Variants in PARP15 observed in about 807,000 individuals in gnomAD.
PARP15 encodes the protein poly(ADP-ribose) polymerase family member 15, also known as protein mono-ADP-ribosyltransferase PARP15.
In PARP15, 50 loss-of-function variants were observed where a neutral mutation model predicts 62.1. That is an observed-to-expected ratio of 0.81 (90% CI 0.64 to 1.02). PARP15 has a LOEUF of 1.02. PARP15 is among the 50% of genes least tolerant of loss of function. The pLI is 0.00. For missense variants in PARP15, 820 were observed against 826.5 expected, an observed-to-expected ratio of 0.99 and a Z score of 0.10; for synonymous variants, 309 against 293.1, an observed-to-expected ratio of 1.05 and a Z score of -0.55.
intron 5 of PARP15, 135 bp downstream of exon 5, chr3:122,615,992 A>C (rs1935939961): frequency 1.2e-6 from 1 of 820,814 alleles, no homozygotes; most frequent in Admixed American, 2.8e-5. Flanking sequence ...GTGTTAGAGC[A>C]TGTCCCATTG....
intron 1 of PARP15, among the ~76,000 whole-genome samples, chr3:122,597,589 T>TAAGA (rs1488798697): frequency 6.6e-6 from 1 of 152,082 alleles, no homozygotes; most frequent in Non-Finnish European, 1.5e-5. Flanking sequence ...CAATACATCC[T>TAAGA]AAGAAATATA....
intron 1 of PARP15, among the ~76,000 whole-genome samples, chr3:122,581,996 A>T (rs1193275708): frequency 6.6e-6 from 1 of 152,220 alleles, no homozygotes; most frequent in Non-Finnish European, 1.5e-5. Context: ...AAAGTGACTT[A>T]AAAAATTAGA....
chr3:122,593,461 G>T (rs1028156525), intron 1 of PARP15, among the ~76,000 whole-genome samples: 2 of 151,968 alleles, frequency 1.3e-5, no homozygotes, highest in East Asian at 1.9e-4. Flanking sequence ...TTTTAAATAC[G>T]TTTTTATCTA....
At chr3:122,581,259 AT>A (rs1709313298) in intron 1 of PARP15, among the ~76,000 whole-genome samples, 1 of 152,134 alleles carries the variant, frequency 6.6e-6, no homozygotes. Context: ...TGGTAATCCT[AT>A]TTTTAATTTT....
intron 3 of PARP15, among the ~76,000 whole-genome samples, chr3:122,612,111 A>G (rs960578725): frequency 1.3e-5 from 2 of 151,316 alleles, no homozygotes; most frequent in Non-Finnish European, 2.9e-5. Context: ...GCTGGAGTGC[A>G]GTGGCGCGAT....
chr3:122,588,434 C>A (rs1933622006), intron 1 of PARP15, among the ~76,000 whole-genome samples: 1 of 151,070 alleles, frequency 6.6e-6, no homozygotes, highest in African/African-American at 2.4e-5. Context: ...CCATAAAATT[C>A]ACTCTTTAAA....
chr3:122,617,933 T>C (rs956506267), intron 6 of PARP15, among the ~76,000 whole-genome samples: 4 of 152,216 alleles, frequency 2.6e-5, no homozygotes, highest in Non-Finnish European at 5.9e-5. Context: ...GGTTTTGCCA[T>C]GTTGGCCAAG....
intron 1 of PARP15, among the ~76,000 whole-genome samples, chr3:122,596,941 G>C (rs546704770): frequency 6.6e-6 from 1 of 152,300 alleles, no homozygotes. Context: ...AAGTTGAGAG[G>C]CTATCTACAA....
At chr3:122,594,592 G>T (rs1405317199) in intron 1 of PARP15, 12 of 964,520 alleles carry the variant, frequency 1.2e-5, no homozygotes, top group Non-Finnish European at 1.5e-5. Flanking sequence ...GGTAGGGGAG[G>T]TTGAAATTGA....
rs1272546650 is a variant in PARP15, at chr3:122,638,905, G to A, written c.*2805G>A. On this transcript the variant is annotated 3_prime_UTR_variant, in exon 12 of 12. Coordinates refer to ENST00000464300, the MANE Select transcript of PARP15 (RefSeq NM_001113523.3). ...ATAATTTTAATGGCAGAGATATTCT[G>A]CTTTATATCTTTCCCTATTTTATGT... is the stretch of plus-strand genomic sequence containing the variant. The A allele has an allele frequency of 6.6e-6, 1 of 151,826 alleles. No homozygotes were observed. Among genetic ancestry groups the A allele is most frequent in the Non-Finnish European group, 1.5e-5 (1 of 67,944 alleles). 9.4% of individuals were successfully genotyped at this position (151,826 alleles called of 1,614,324 possible). A position where few individuals can be genotyped will look rare whatever the true frequency, so the allele number is the denominator to read the frequency against.
At chr3:122,594,671 A>C in intron 1 of PARP15, 2 of 922,280 alleles carry the variant, frequency 2.2e-6, no homozygotes, top group Non-Finnish European at 2.6e-6. Context: ...CCTCTAAATC[A>C]AATTACTTTT....
intron 11 of PARP15, 79 bp downstream of exon 11, chr3:122,635,273 C>A: frequency 2.3e-6 from 3 of 1,310,268 alleles, no homozygotes; most frequent in Non-Finnish European, 1.1e-6. Context: ...CAGTGTGGAA[C>A]CATGGTGGGC....
intron 1 of PARP15, among the ~76,000 whole-genome samples, chr3:122,592,281 C>T (rs12636921): frequency 0.69 from 104,492 of 152,070 alleles, 38,700 homozygotes; most frequent in East Asian, 0.9. Flanking sequence ...GAGATCATGT[C>T]CTTTGCAGGG....
intron 1 of PARP15, chr3:122,594,723 C>A: frequency 1.0e-6 from 1 of 962,508 alleles, no homozygotes; most frequent in Non-Finnish European, 1.2e-6. Context: ...ATTACAATAC[C>A]AATAAGTTGA....
intron 1 of PARP15, among the ~76,000 whole-genome samples, chr3:122,595,534 T>C (rs184021607): frequency 3.9e-5 from 6 of 152,320 alleles, no homozygotes; most frequent in African/African-American, 9.6e-5. Flanking sequence ...GGTTTTGTCC[T>C]ACCTCAGTGG....
At position 122,617,077 on chromosome 3, in the gene PARP15, A is replaced by T; in HGVS notation, c.913A>T (p.Thr305Ser). The T allele has an allele frequency of 6.2e-7, 1 of 1,614,092 alleles. No homozygotes were observed. ...ATATGAAATGAAAATCGGTGCAATT[A>T]CTTTTCAGGTTGCTACTGGAGATAT... ...TAYEMKIGAI[T>S]FQVATGDIAT... Residue 305 changes from threonine (T) to serine (S), a missense_variant, in exon 6 of 12, where the codon ACT becomes TCT. This residue lies in a region of PARP15 where 731 missense variants were observed against 727.7 expected (regional missense o/e 1.00). Transcript: ENST00000464300.
intron 7 of PARP15, among the ~76,000 whole-genome samples, chr3:122,620,366 G>C (rs913650074): frequency 2.6e-5 from 4 of 152,170 alleles, no homozygotes; most frequent in African/African-American, 9.7e-5. Context: ...CTTTGAGTGG[G>C]GAACCTAAGG....
chr3:122,579,999 G>GTATATATATATATGTATA (rs2080766802), intron 1 of PARP15, among the ~76,000 whole-genome samples: 3 of 64,460 alleles, frequency 4.7e-5, no homozygotes, highest in Admixed American at 1.9e-4. Context: ...GCAACTATAT[G>GTATATATATATATGTATA]TATATATATA....
At chr3:122,600,491 G>A (rs1022467364) in intron 1 of PARP15, among the ~76,000 whole-genome samples, 3 of 152,082 alleles carry the variant, frequency 2.0e-5, no homozygotes, top group African/African-American at 7.2e-5. Context: ...CTCTTCAAAT[G>A]TCTAAAGACA....
Sources: gnomAD v4.1 joint callset for allele counts (sites outside exome capture counted in the v4.1 genomes callset) on GRCh38, gnomAD v4.1.1 for gene constraint, gnomAD v4.1.1 regional missense constraint, MANE v1.5 for transcripts, NCBI Gene and HGNC (gene_info 2026-07-23, HGNC 2026-07-21) for gene names.